LGI1: variants seen among roughly 807,000 people sequenced by gnomAD.
LGI1 encodes leucine rich glioma inactivated 1, also known as leucine-rich glioma-inactivated protein 1.
LGI1 carries 11 observed loss-of-function variants against 57.7 expected under a neutral mutation model. The ratio of observed to expected loss-of-function variants is 0.19; its 90% CI spans 0.12 to 0.32. The LOEUF is 0.32. Ranked by LOEUF, LGI1 falls within the 10% of genes least tolerant of loss-of-function variation. LGI1 has a pLI of 1.00. For missense variants in LGI1, 422 were observed against 661.9 expected, an observed-to-expected ratio of 0.64 and a Z score of 3.98; for synonymous variants, 222 against 241.9, an observed-to-expected ratio of 0.92 and a Z score of 0.76.
At chr10:93,779,368 G>C (rs1432847889) in intron 4 of LGI1, among the ~76,000 whole-genome samples, 2 of 138,278 alleles carry the variant, frequency 1.4e-5, no homozygotes, top group African/African-American at 5.3e-5. Flanking sequence ...ATGTTTCCCT[G>C]TCTTGGAAGG....
intron 4 of LGI1, among the ~76,000 whole-genome samples, chr10:93,783,577 T>G (rs1176031779): frequency 6.6e-6 from 1 of 152,088 alleles, no homozygotes; most frequent in Non-Finnish European, 1.5e-5. Context: ...ACTGCACTAG[T>G]CACTCACAGG....
intron 4 of LGI1, chr10:93,788,996 T>C (rs1538598): frequency 0.81 from 123,334 of 152,062 alleles, 54,282 homozygotes; most frequent in Non-Finnish European, 0.97. Flanking sequence ...ATTACACTAC[T>C]TGGTGACCTT....
At chr10:93,762,083 A>G (rs1240860663) in intron 2 of LGI1, among the ~76,000 whole-genome samples, 2 of 152,236 alleles carry the variant, frequency 1.3e-5, no homozygotes, top group African/African-American at 4.8e-5. Context: ...TATTTTAATT[A>G]TAAACCCCTG....
chr10:93,790,279 G>T, intron 5 of LGI1, 109 bp downstream of exon 5: 1 of 1,031,962 alleles, frequency 9.7e-7, no homozygotes. Context: ...TTAAAATTAG[G>T]ATTTTTAAAT....
At chr10:93,775,789 T>C (rs1490387301) in intron 2 of LGI1, among the ~76,000 whole-genome samples, 1 of 152,206 alleles carries the variant, frequency 6.6e-6, no homozygotes, top group Non-Finnish European at 1.5e-5. Flanking sequence ...CAACTTGGAA[T>C]ATGAGAAGTC....
chr10:93,789,855 G>A (rs904389901), intron 4 of LGI1: 2 of 477,704 alleles, frequency 4.2e-6, no homozygotes, highest in Non-Finnish European at 7.4e-6. Context: ...CTGGGTGACA[G>A]AGCGAGACTT....
At chr10:93,761,794 A>T (rs2133979518) in intron 2 of LGI1, among the ~76,000 whole-genome samples, 1 of 152,368 alleles carries the variant, frequency 6.6e-6, no homozygotes, top group East Asian at 1.9e-4. Flanking sequence ...TAAACATAAC[A>T]ATAAAAACCT....
At chr10:93,765,152 T>G (rs1337503738) in intron 2 of LGI1, 1 of 152,204 alleles carries the variant, frequency 6.6e-6, no homozygotes, top group Non-Finnish European at 1.5e-5. Context: ...TCAGGAAACA[T>G]GGGTTTGAAA....
rs780811762 is a variant in LGI1 at position 93,758,763 on chromosome 10, C to T, written c.219C>T (p.Ser73=). 3 of 1,609,992 alleles carry T rather than the reference C, an allele frequency of 1.9e-6. No individual in the cohort carries two copies. Among genetic ancestry groups the T allele is most frequent in the African/African-American group, 1.3e-5 (1 of 74,808 alleles). ...RTVPPDVISL[S]FVRSGFTEIS... ...TCTCTTTTTTGTTTTCTTTCAGATC[C>T]TTTGTGAGATCTGGTTTTACTGAAA... The change falls in exon 2 of 8, where the codon TCC becomes TCT. Residue 73 remains serine (S), a synonymous_variant. Coordinates refer to ENST00000371418, the MANE Select transcript of LGI1 (RefSeq NM_005097.4). This position sits in a 1 kb window ranked among gnomAD's most constrained non-coding sequence, Gnocchi z 4.7.
At chr10:93,791,627 AATTATT>A (rs1228146245) in intron 5 of LGI1, 1 of 152,152 alleles carries the variant, frequency 6.6e-6, no homozygotes, top group Non-Finnish European at 1.5e-5. Context: ...GGCGTTTAAA[AATTATT>A]TATGTGTGGT....
In LGI1 at chr10:93,758,403, A is replaced by C; in HGVS notation, c.215+44A>C. The C allele has an allele frequency of 6.3e-7, 1 of 1,581,748 alleles. No individual in the cohort carries two copies. The highest frequency in any genetic ancestry group is 1.7e-4 in the Middle Eastern group (1 of 5,746). Reference sequence around the variant, plus strand: ...TTGATATCTAATTTACGATTTAAAAATTCCAGCCGGTGGATTTGGGGCTTT... The same window carrying C: ...TTGATATCTAATTTACGATTTAAAACTTCCAGCCGGTGGATTTGGGGCTTT... On this transcript the variant is annotated intron_variant, in intron 1 of 7. Coordinates refer to ENST00000371418, the MANE Select transcript of LGI1 (RefSeq NM_005097.4). The surrounding 1 kb of genome is among the most constrained non-coding windows in gnomAD (Gnocchi z 4.7).
intron 2 of LGI1, among the ~76,000 whole-genome samples, chr10:93,759,447 C>T (rs567629817): frequency 6.6e-6 from 1 of 152,330 alleles, no homozygotes; most frequent in East Asian, 1.9e-4. Flanking sequence ...AAGGGAACCA[C>T]ATACTCAGTC....
Position 93,758,938 on chromosome 10 carries a change from G to C in LGI1, c.287+107G>C. ...TTTTGTCAAATGTGATTCTATTTCT[G>C]AGAAAACAGAATATCCGTAAAGTGA... On this transcript the variant is annotated intron_variant, in intron 2 of 7. Transcript: ENST00000371418. The surrounding 1 kb of genome is among the most constrained non-coding windows in gnomAD (Gnocchi z 4.7). 3.4e-6 allele frequency: 3 copies of C among 889,100 alleles called. No homozygotes were observed. The highest frequency in any genetic ancestry group is 5.5e-6 in the Non-Finnish European group (3 of 547,188). The allele number at this position is 889,100 out of a possible 1,614,324, so 55.1% of individuals were successfully genotyped here.
intron 4 of LGI1, among the ~76,000 whole-genome samples, chr10:93,785,654 T>C (rs1402993280): frequency 6.6e-6 from 1 of 152,144 alleles, no homozygotes; most frequent in Non-Finnish European, 1.5e-5. Flanking sequence ...TTAATAATAA[T>C]ATTATTATAT....
At chr10:93,786,993 T>C (rs12570745) in intron 4 of LGI1, among the ~76,000 whole-genome samples, 123,382 of 152,166 alleles carry the variant, frequency 0.81, 54,291 homozygotes, top group Non-Finnish European at 0.97. Context: ...TCTTTTTATC[T>C]AAATGTAACC....
chr10:93,790,017 A>G (rs946699377), intron 4 of LGI1, 82 bp from the exon 5 acceptor site: 68 of 1,272,216 alleles, frequency 5.3e-5, no homozygotes, highest in Non-Finnish European at 4.8e-5. Flanking sequence ...GACAAAAGAG[A>G]CTCATCACTA....
At chr10:93,794,601 G>A (rs2059965074) in intron 7 of LGI1, 2 of 152,026 alleles carry the variant, frequency 1.3e-5, no homozygotes, top group South Asian at 4.1e-4. Flanking sequence ...CTGGCCTCAA[G>A]TGATCCACCC....
rs1336653280 is a variant in LGI1 at position 93,777,727 on chromosome 10, C to A, written c.431+110C>A. The A allele has an allele frequency of 7.4e-6, 6 of 807,674 alleles. No individual in the cohort carries two copies. In the East Asian group the frequency reaches 1.6e-4, roughly 21 times the overall value. The allele number at this position is 807,674 out of a possible 1,614,324, so 50.0% of individuals were successfully genotyped here. On this transcript the variant is annotated intron_variant, in intron 4 of 7. Coordinates refer to ENST00000371418, the MANE Select transcript of LGI1 (RefSeq NM_005097.4). ...GAGTGTCCATAAAAATTTAAGAAAC[C>A]CAAATGACTTCTCTCCATGCACACT...
At chr10:93,781,369 A>G (rs1026565484) in intron 4 of LGI1, among the ~76,000 whole-genome samples, 4 of 145,540 alleles carry the variant, frequency 2.7e-5, no homozygotes, top group Admixed American at 6.7e-5. Context: ...TAAGAAGTAA[A>G]TAAATAAATA....
Sources: allele counts gnomAD v4.1 joint callset (sites outside exome capture counted in the v4.1 genomes callset), GRCh38; gene constraint gnomAD v4.1.1; non-coding constraint Gnocchi (gnomAD v3.1); transcripts MANE v1.5; gene names NCBI Gene and HGNC (gene_info 2026-07-23, HGNC 2026-07-21).